Variants in DMD observed in about 807,000 individuals in gnomAD.
The protein encoded by DMD is mutant dystrophin.
In DMD, 63 loss-of-function variants were observed where a neutral mutation model predicts 330.1. That is an observed-to-expected ratio of 0.19 (90% CI 0.16 to 0.24). The LOEUF is 0.24. DMD is among the 10% of genes least tolerant of loss of function. The pLI, the probability that DMD is intolerant of heterozygous loss-of-function variation, is 1.00. For missense variants in DMD, 3,344 were observed against 2,684.1 expected, an observed-to-expected ratio of 1.25 and a Z score of -5.43; for synonymous variants, 1,223 against 959.8, an observed-to-expected ratio of 1.27 and a Z score of -5.07.
intron 63 of DMD, among the ~76,000 whole-genome samples, chrX:31,226,055 T>C (rs760066382): frequency 8.9e-4 from 100 of 112,097 alleles, no homozygotes; most frequent in Non-Finnish European, 1.6e-3. Context: ...AGAGAACCTG[T>C]GTGAGTCCTT....
At chrX:32,857,621 G>T (rs775966806) in intron 2 of DMD, among the ~76,000 whole-genome samples, 13 of 111,961 alleles carry the variant, frequency 1.2e-4, no homozygotes, top group Middle Eastern at 4.6e-3. Flanking sequence ...TTTATGAAAA[G>T]AAAAAATCCA....
rs771170953 is a variant in DMD, at chrX:32,691,100, C to G, written c.960+6770G>C. Among the ~76,000 whole-genome samples, 4 of 110,753 alleles carry G rather than the reference C, an allele frequency of 3.6e-5. No individual in the cohort carries two copies. The South Asian group carries it at 1.5e-3, about 41-fold the overall frequency. ...TATATTATGAGAATTATTTCTAACT[C>G]AGAGCTATTAGGAGGGTTAAATAAA... On this transcript the variant is annotated intron_variant, in intron 9 of 78. Transcript: ENST00000357033.
intron 9 of DMD, among the ~76,000 whole-genome samples, chrX:32,695,919 G>C (rs2063620255): frequency 8.9e-6 from 1 of 111,865 alleles, no homozygotes; most frequent in African/African-American, 3.2e-5. Flanking sequence ...GAGTGTAGAG[G>C]CTGAGAAAAA....
At chrX:32,108,887 CAGTA>C (rs2096576857) in intron 44 of DMD, among the ~76,000 whole-genome samples, 1 of 111,180 alleles carries the variant, frequency 9.0e-6, no homozygotes, top group Non-Finnish European at 1.9e-5. Flanking sequence ...TATAAAAGAG[CAGTA>C]TCTTATTGCC....
intron 7 of DMD, among the ~76,000 whole-genome samples, chrX:32,769,073 A>T (rs1394359489): frequency 8.9e-6 from 1 of 112,316 alleles, no homozygotes; most frequent in Non-Finnish European, 1.9e-5. Flanking sequence ...AAAAAACATC[A>T]TCATCTGTGA....
intron 48 of DMD, among the ~76,000 whole-genome samples, chrX:31,863,715 A>G (rs955864405): frequency 9.0e-6 from 1 of 111,592 alleles, no homozygotes; most frequent in Non-Finnish European, 1.9e-5. Context: ...TTTAAATACT[A>G]CTCAATCTAG....
At chrX:32,015,305 A>C (rs1184168413) in intron 44 of DMD, among the ~76,000 whole-genome samples, 1 of 111,772 alleles carries the variant, frequency 8.9e-6, no homozygotes. Context: ...CCCTACTCCC[A>C]AAAACTCTGA....
At chrX:33,226,936 T>G (rs779261536) in intron 1 of DMD, among the ~76,000 whole-genome samples, 1 of 109,898 alleles carries the variant, frequency 9.1e-6, no homozygotes, top group African/African-American at 3.3e-5. Context: ...TTAGGTGGCA[T>G]CAATGTCATG....
chrX:31,545,833 C>T (rs956463543), intron 55 of DMD, among the ~76,000 whole-genome samples: 1 of 111,810 alleles, frequency 8.9e-6, no homozygotes, highest in African/African-American at 3.3e-5. Context: ...TCACTATGTG[C>T]GAGTTACTGT....
At chrX:32,726,839 G>A (rs902952496) in intron 7 of DMD, among the ~76,000 whole-genome samples, 3 of 110,213 alleles carry the variant, frequency 2.7e-5, no homozygotes, top group African/African-American at 9.9e-5. Flanking sequence ...ATAAGATGAT[G>A]GATTCAGATA....
intron 43 of DMD, among the ~76,000 whole-genome samples, chrX:32,234,020 G>C (rs752671487): frequency 2.7e-5 from 3 of 111,106 alleles, no homozygotes; most frequent in Non-Finnish European, 5.6e-5. Context: ...CTACAACTGC[G>C]ATTTCGGCAG....
intron 55 of DMD, among the ~76,000 whole-genome samples, chrX:31,600,802 G>GTTTTTT (rs530394628): frequency 1.0e-5 from 1 of 97,585 alleles, no homozygotes; most frequent in Non-Finnish European, 2.1e-5. Context: ...TCTGCATGAT[G>GTTTTTT]TTTTTTTTTT....
chrX:33,034,492 G>A (rs1700362468), intron 1 of DMD, among the ~76,000 whole-genome samples: 1 of 111,758 alleles, frequency 8.9e-6, no homozygotes, highest in Non-Finnish European at 1.9e-5. Flanking sequence ...ATGAGCTTTG[G>A]ATGAATGTTC....
chrX:32,085,753 A>G (rs2096434429), intron 44 of DMD, among the ~76,000 whole-genome samples: 1 of 108,618 alleles, frequency 9.2e-6, no homozygotes, highest in Non-Finnish European at 1.9e-5. Context: ...TTCTCTAGAA[A>G]AAGTATAAAT....
intron 51 of DMD, among the ~76,000 whole-genome samples, chrX:31,748,074 C>A (rs1336765588): frequency 2.7e-5 from 3 of 111,470 alleles, no homozygotes; most frequent in Non-Finnish European, 5.6e-5. Flanking sequence ...TGGGTGGTTC[C>A]AATATCCAGT....
In DMD at chrX:31,820,242, T is replaced by G. The variant is rs5927044; in HGVS notation, c.7201-159A>C. 0.13 allele frequency among the ~76,000 whole-genome samples: 14,146 copies of G among 111,801 alleles called. 707 individuals are homozygous for G. The highest frequency in any genetic ancestry group is 0.28 in the East Asian group (988 of 3,533). On this transcript the variant is annotated intron_variant, in intron 49 of 78. Coordinates refer to ENST00000357033, the MANE Select transcript of DMD (RefSeq NM_004006.3). ...GAATTTCTTTTAAAGGAATTATAAT[T>G]ATTTTAGCCAACCACCCTACAAATA...
At chrX:31,322,282 G>T (rs1437962016) in intron 62 of DMD, among the ~76,000 whole-genome samples, 1 of 111,676 alleles carries the variant, frequency 9.0e-6, no homozygotes, top group Non-Finnish European at 1.9e-5. Flanking sequence ...GAAGAAAATT[G>T]TTCCATAAAA....
intron 2 of DMD, among the ~76,000 whole-genome samples, chrX:32,868,723 C>A (rs749997513): frequency 1.8e-5 from 2 of 112,381 alleles, no homozygotes; most frequent in East Asian, 5.6e-4. Context: ...TAACTCCAGC[C>A]AGGGGTTTAG....
chrX:32,310,759 A>T (rs1225139232), intron 41 of DMD, among the ~76,000 whole-genome samples: 1 of 110,809 alleles, frequency 9.0e-6, no homozygotes, highest in Non-Finnish European at 1.9e-5. Context: ...GATACGAAGT[A>T]GTTAGGCTGG....
Sources: gnomAD v4.1 joint callset for allele counts (sites outside exome capture counted in the v4.1 genomes callset) on GRCh38, gnomAD v4.1.1 for gene constraint, MANE v1.5 for transcripts, NCBI Gene and HGNC (gene_info 2026-07-23, HGNC 2026-07-21) for gene names.